PTPRN2: variants seen among roughly 807,000 people sequenced by gnomAD.
PTPRN2 encodes protein tyrosine phosphatase receptor type N2.
PTPRN2 carries 74 observed loss-of-function variants against 118.8 expected under a neutral mutation model. That is an observed-to-expected ratio of 0.62 (90% confidence interval 0.52 to 0.76). The LOEUF (loss-of-function observed/expected upper bound fraction) is 0.76, where lower values mean the gene tolerates loss of function less well. Among genes scored for constraint, PTPRN2 ranks in the 30% least tolerant of loss-of-function variants. PTPRN2 has a pLI of 0.00. For missense variants in PTPRN2, 1,481 were observed against 1,394.4 expected (o/e 1.06, Z -0.99); for synonymous variants, 641 against 608.0 (o/e 1.05, Z -0.80).
chr7:157,884,756 G>A (rs879925551), intron 12 of PTPRN2, among the ~76,000 whole-genome samples: 1 of 152,174 alleles, frequency 6.6e-6, no homozygotes, highest in Non-Finnish European at 1.5e-5. Context: ...CACGAGAACA[G>A]CATGGGAAAG....
At chr7:158,052,496 G>A (rs1408389587) in intron 11 of PTPRN2, among the ~76,000 whole-genome samples, 2 of 152,236 alleles carry the variant, frequency 1.3e-5, no homozygotes, top group Non-Finnish European at 2.9e-5. Flanking sequence ...CAGCCTCCTG[G>A]GGAAGCCCTG....
intron 11 of PTPRN2, among the ~76,000 whole-genome samples, chr7:157,965,503 C>G (rs951675468): frequency 1.3e-5 from 2 of 152,098 alleles, no homozygotes; most frequent in Non-Finnish European, 2.9e-5. Flanking sequence ...AAAGTCAGCA[C>G]TAATAAAAAT....
rs760620262 is a variant in PTPRN2 at position 157,974,132 on chromosome 7, G to A, written c.1724-75395C>T. 5.3e-5 allele frequency among the ~76,000 whole-genome samples: 8 copies of A among 152,200 alleles called. No homozygotes were observed. The highest frequency in any genetic ancestry group is 9.6e-5 in the African/African-American group (4 of 41,452). On this transcript the variant is annotated intron_variant, in intron 11 of 22. Transcript: ENST00000389418. The surrounding 1 kb of genome is among the most constrained non-coding windows in gnomAD (Gnocchi z 4.0). ...TGGACGGTGGGTTGGCGGTGTTGAC[G>A]CTGCACAGGTCATGAGCGCCGGCCC...
intron 21 of PTPRN2, among the ~76,000 whole-genome samples, chr7:157,558,730 G>C (rs993763068): frequency 2.6e-5 from 4 of 152,212 alleles, no homozygotes; most frequent in Non-Finnish European, 2.9e-5. Context: ...TGGCCTTTAC[G>C]GGGGTCTGGC....
rs80195473 is a variant in PTPRN2 at position 157,904,928 on chromosome 7, G to A, written c.1724-6191C>T. 4.3e-3 allele frequency among the ~76,000 whole-genome samples: 650 copies of A among 152,172 alleles called. 2 individuals carry two copies. Among genetic ancestry groups the A allele is most frequent in the African/African-American group, 0.015 (631 of 41,528 alleles). On this transcript the variant is annotated intron_variant, in intron 11 of 22. Transcript: ENST00000389418. ...TGCCTAAAAGGAAAAACAATGCCTCGTGGTCCCCGGCATCCTGTGGGTCTC... is the reference window on the plus strand; with the variant it reads ...TGCCTAAAAGGAAAAACAATGCCTCATGGTCCCCGGCATCCTGTGGGTCTC...
chr7:157,803,426 G>A (rs1805442357), intron 12 of PTPRN2, among the ~76,000 whole-genome samples: 1 of 152,216 alleles, frequency 6.6e-6, no homozygotes, highest in African/African-American at 2.4e-5. Context: ...TGATGCAGGA[G>A]CTCACTGGTT....
intron 15 of PTPRN2, chr7:157,614,017 A>G (rs570656860): frequency 4.2e-6 from 2 of 471,306 alleles, no homozygotes; most frequent in East Asian, 1.4e-4. Flanking sequence ...GTGGAAGACC[A>G]CAAGCAACGG....
intron 11 of PTPRN2, among the ~76,000 whole-genome samples, chr7:157,975,390 C>T (rs1802663891): frequency 1.3e-5 from 2 of 152,178 alleles, no homozygotes; most frequent in South Asian, 2.1e-4. Flanking sequence ...TCCAGACACC[C>T]CAATCTCCTC....
intron 12 of PTPRN2, among the ~76,000 whole-genome samples, chr7:157,799,468 C>T (rs1313976454): frequency 6.6e-6 from 1 of 152,076 alleles, no homozygotes; most frequent in Non-Finnish European, 1.5e-5. Flanking sequence ...TTCATTTTCC[C>T]CACCAGAGCA....
chr7:158,075,073 C>T lies in PTPRN2; in HGVS notation c.1723+6225G>A, dbSNP rs115996735. On this transcript the variant is annotated intron_variant, in intron 11 of 22. Transcript: ENST00000389418. ...GCTCAGGGTAAAGCCATGATGAAGG[C>T]GGCTTTCGGGACTTGTAATTACAGA... Among the ~76,000 whole-genome samples, 1,401 of 152,282 alleles carry T rather than the reference C, an allele frequency of 9.2e-3. 19 individuals are homozygous for T. The highest frequency in any genetic ancestry group is 0.032 in the African/African-American group (1,331 of 41,544).
At chr7:158,051,994 C>T (rs1454858792) in intron 11 of PTPRN2, among the ~76,000 whole-genome samples, 1 of 152,196 alleles carries the variant, frequency 6.6e-6, no homozygotes, top group Non-Finnish European at 1.5e-5. Flanking sequence ...ATTTGTCTCT[C>T]TTTGTCTCTG....
rs1428560775 is a variant in PTPRN2 at position 157,690,058 on chromosome 7, G to A, written c.1789-7121C>T. Among the ~76,000 whole-genome samples the A allele has an allele frequency of 6.6e-6, 1 of 152,174 alleles. No homozygotes were observed. The highest frequency in any genetic ancestry group is 2.4e-5 in the African/African-American group (1 of 41,450). ...CCCCCACCCCCAGCACCCTGCAATG[G>A]TCGGAACTGCAGGGAGTGGGGAGCA... On this transcript the variant is annotated intron_variant, in intron 12 of 22. Transcript: ENST00000389418. This position sits in a 1 kb window ranked among gnomAD's most constrained non-coding sequence, Gnocchi z 7.1.
intron 2 of PTPRN2, 89 bp from the exon 3 acceptor site, chr7:158,317,021 G>A: frequency 3.1e-6 from 3 of 964,596 alleles, no homozygotes; most frequent in Non-Finnish European, 3.0e-6. Context: ...AATGCGTTCT[G>A]ATCATGTGCC....
In PTPRN2 at chr7:158,138,444, C is replaced by T; in HGVS notation, c.982G>A (p.Glu328Lys). 1.2e-6 allele frequency: 2 copies of T among 1,613,360 alleles called. No individual in the cohort carries two copies. Among genetic ancestry groups the T allele is most frequent in the Middle Eastern group, 1.6e-4 (1 of 6,062 alleles). ...ATCAGCTCAGCCATGCCGTCCAGCT[C>T]CAGGCCACTCAGGCCCCTCACCTCA... ...PAEVRGLSGL[E>K]LDGMAELMAG... is the part of the protein sequence containing the mutation. The change falls in exon 7 of 23, where the codon GAG (glutamate) becomes AAG (lysine). Residue 328 changes from glutamate (E) to lysine (K), a missense_variant. Around this residue, in one of 3 missense-constraint regions of PTPRN2, gnomAD observed 1,115 missense variants for 994.2 expected, o/e 1.12. Transcript: ENST00000389418.
rs111362841 is a variant in PTPRN2 at position 158,253,473 on chromosome 7, G to A, written c.278-48200C>T. Among the ~76,000 whole-genome samples the A allele has an allele frequency of 4.0e-3, 610 of 152,300 alleles. 5 individuals carry two copies. Among genetic ancestry groups the A allele is most frequent in the African/African-American group, 0.014 (578 of 41,582 alleles). ...CGTTTCCAGTCACCGGGTGATTGCC[G>A]CGCCTGTTGCTTCCACAAGGAACCC... On this transcript the variant is annotated intron_variant, in intron 3 of 22. Transcript: ENST00000389418.
chr7:157,728,707 G>A (rs993931508), intron 12 of PTPRN2, among the ~76,000 whole-genome samples: 3 of 152,094 alleles, frequency 2.0e-5, no homozygotes, highest in African/African-American at 7.2e-5. Flanking sequence ...ATTATCAAAA[G>A]GTAAAATGTC....
At chr7:157,579,969 C>A (rs1800261769) in intron 17 of PTPRN2, among the ~76,000 whole-genome samples, 1 of 152,236 alleles carries the variant, frequency 6.6e-6, no homozygotes, top group Admixed American at 6.5e-5. Flanking sequence ...CAGCCTTCAA[C>A]AGCGCGCCTG....
chr7:158,535,899 AG>A (rs1194939228), intron 1 of PTPRN2, among the ~76,000 whole-genome samples: 1 of 149,732 alleles, frequency 6.7e-6, no homozygotes, highest in Non-Finnish European at 1.5e-5. Context: ...AATCTGCAAA[AG>A]TACTTCAAAA....
chr7:158,355,014 G>A (rs10275374), intron 2 of PTPRN2, among the ~76,000 whole-genome samples: 12,680 of 106,862 alleles, frequency 0.12, 1,385 homozygotes, highest in African/African-American at 0.33. Context: ...GATACTTTCG[G>A]AGTCTTGAAA....
Sources: gnomAD v4.1 joint callset for allele counts (sites outside exome capture counted in the v4.1 genomes callset) on GRCh38, gnomAD v4.1.1 for gene constraint, gnomAD v4.1.1 regional missense constraint, Gnocchi (gnomAD v3.1) non-coding constraint, MANE v1.5 for transcripts, NCBI Gene and HGNC (gene_info 2026-07-23, HGNC 2026-07-21) for gene names.